The following SULT1C4 variants were observed in gnomAD, a reference collection of about 807,000 sequenced individuals.
SULT1C4 encodes the protein sulfotransferase 1C4.
SULT1C4 carries 32 observed loss-of-function variants against 34.8 expected under a neutral mutation model. The observed-to-expected ratio is 0.92, with a 90% CI of 0.69 to 1.23. The LOEUF (loss-of-function observed/expected upper bound fraction) is 1.23, where lower values mean the gene tolerates loss of function less well. Among genes scored for constraint, SULT1C4 ranks in the 50% most tolerant of loss-of-function variants. SULT1C4 has a pLI of 0.00. For missense variants in SULT1C4, 375 were observed against 365.9 expected (o/e 1.02, Z -0.20); for synonymous variants, 111 against 120.5 (o/e 0.92, Z 0.51).
intron 4 of SULT1C4, 49 bp downstream of exon 4, chr2:108,383,268 A>G: frequency 3.1e-6 from 5 of 1,596,250 alleles, no homozygotes; most frequent in Non-Finnish European, 4.3e-6. Flanking sequence ...ATCTCCAAAC[A>G]CCCTAGAAGG....
At position 108,381,786 on chromosome 2, in the gene SULT1C4, TG is replaced by T; in HGVS notation, c.196del (p.Glu66AsnfsTer2). 6.9e-7 allele frequency: 1 copy of T among 1,439,616 alleles called. No individual in the cohort carries two copies. Among genetic ancestry groups the T allele is most frequent in the Non-Finnish European group, 9.1e-7 (1 of 1,094,020 alleles). 89.2% of individuals were successfully genotyped at this position (1,439,616 alleles called of 1,614,324 possible). Reference protein sequence around the residue: ...KAGTTWTQEIVELIQNEGDVE... With the variant: ...KAGTTWTQEIXELIQNEGDVE... ...GGAACAACATGGACTCAGGAGATAG[TG>T]GAATTAATACAAAATGAAGGTGATG... is the stretch of plus-strand genomic sequence containing the variant. On this transcript the variant is annotated frameshift_variant, in exon 2 of 7. Transcript: ENST00000272452. LOFTEE classifies it high-confidence loss of function.
intron 5 of SULT1C4, among the ~76,000 whole-genome samples, chr2:108,385,965 C>T (rs1016406781): frequency 3.3e-5 from 5 of 152,180 alleles, no homozygotes; most frequent in Non-Finnish European, 5.9e-5. Flanking sequence ...TTCACTAACC[C>T]TACCCAGTTG....
rs1214533248 is a variant in SULT1C4, at chr2:108,378,257, T to G, written c.-81T>G. 18 of 1,333,648 alleles carry G rather than the reference T, an allele frequency of 1.3e-5. No individual in the cohort carries two copies. The highest frequency in any genetic ancestry group is 1.7e-5 in the Non-Finnish European group (16 of 949,562). 82.6% of individuals were successfully genotyped at this position (1,333,648 alleles called of 1,614,324 possible). A position where few individuals can be genotyped will look rare whatever the true frequency, so the allele number is the denominator to read the frequency against. ...TAGTGTGGTAGTGTGGTGGATAGAG[T>G]GCTGCCTCTATCCACAACGCAGCCA... On this transcript the variant is annotated 5_prime_UTR_variant, in exon 1 of 7. Coordinates refer to ENST00000272452, the MANE Select transcript of SULT1C4 (RefSeq NM_006588.4).
rs76499416 is a variant in SULT1C4 at position 108,387,695 on chromosome 2, T to C, written c.*263T>C. 1,345 of 361,004 alleles carry C rather than the reference T, an allele frequency of 3.7e-3. 24 individuals carry two copies. The highest frequency in any genetic ancestry group is 0.026 in the African/African-American group (1,259 of 47,624). 22.4% of individuals were successfully genotyped at this position (361,004 alleles called of 1,614,324 possible). ...TATCATTGCCAATTATCATCATATT[T>C]ACATTTTCTACAATCATGTGCTTAT... On this transcript the variant is annotated 3_prime_UTR_variant, in exon 7 of 7. Transcript: ENST00000272452.
rs905111280 is a variant in SULT1C4, at chr2:108,388,559, C to G, written c.*1127C>G. Among the ~76,000 whole-genome samples, 14 of 152,130 alleles carry G rather than the reference C, an allele frequency of 9.2e-5. No homozygotes were observed. The highest frequency in any genetic ancestry group is 1.9e-4 in the Non-Finnish European group (13 of 68,026). ...TTCAGACAGATGGCAAGGTTATTTT[C>G]CTTAAAAAGACTCTTATTATGTTGT... On this transcript the variant is annotated 3_prime_UTR_variant, in exon 7 of 7. Transcript: ENST00000272452.
chr2:108,387,249 G>C lies in SULT1C4; in HGVS notation c.797-71G>C, dbSNP rs1678591475. On this transcript the variant is annotated intron_variant, in intron 6 of 6. Transcript: ENST00000272452. ...AACATGGCATAGAAATCATCATACAGAAACAGGAGAATAGGGAAGCACAGA... is the reference window on the plus strand; with the variant it reads ...AACATGGCATAGAAATCATCATACACAAACAGGAGAATAGGGAAGCACAGA... The C allele has an allele frequency of 1.4e-5, 17 of 1,181,296 alleles. No homozygotes were observed. In the South Asian group the frequency reaches 2.1e-4, roughly 15 times the overall value. The allele number at this position is 1,181,296 out of a possible 1,614,324, so 73.2% of individuals were successfully genotyped here.
intron 5 of SULT1C4, 90 bp from the exon 6 acceptor site, chr2:108,386,102 A>G (rs1678559569): frequency 9.6e-7 from 1 of 1,037,162 alleles, no homozygotes; most frequent in African/African-American, 1.7e-5. Flanking sequence ...AGCTCGTAAT[A>G]TGTTACCGGT....
In SULT1C4 at chr2:108,388,094, C is replaced by T. The variant is rs1173130885; in HGVS notation, c.*662C>T. ...GAGATTACAGGCGTGAGCCACTGCG[C>T]CCAGCCGGTTCAAGTTAATTTTTAA... On this transcript the variant is annotated 3_prime_UTR_variant, in exon 7 of 7. Transcript: ENST00000272452. 3 of 152,222 alleles carry T rather than the reference C, an allele frequency of 2.0e-5. No individual in the cohort carries two copies. The East Asian group carries it at 5.8e-4, about 29-fold the overall frequency. 9.4% of individuals were successfully genotyped at this position (152,222 alleles called of 1,614,324 possible).
chr2:108,381,349 T>C (rs956680827), intron 1 of SULT1C4, among the ~76,000 whole-genome samples: 1 of 152,080 alleles, frequency 6.6e-6, no homozygotes, highest in Non-Finnish European at 1.5e-5. Context: ...TAAATTCACA[T>C]AGATGGTCCA....
rs1436858353 is a variant in SULT1C4 at position 108,378,215 on chromosome 2, T to C, written c.-123T>C. Reference sequence around the variant, plus strand: ...CCCTGTTTGCTGGCCCAGACAGGCCTGTGCTAGAGGGCTGGATAGTGTGGT... The same window carrying C: ...CCCTGTTTGCTGGCCCAGACAGGCCCGTGCTAGAGGGCTGGATAGTGTGGT... On this transcript the variant is annotated 5_prime_UTR_variant, in exon 1 of 7. Coordinates refer to ENST00000272452, the MANE Select transcript of SULT1C4 (RefSeq NM_006588.4). The C allele has an allele frequency of 3.3e-6, 3 of 916,342 alleles. No individual in the cohort carries two copies. In the Admixed American group the frequency reaches 7.6e-5, roughly 23 times the overall value. The allele number at this position is 916,342 out of a possible 1,614,324, so 56.8% of individuals were successfully genotyped here.
At chr2:108,382,628 G>A in intron 3 of SULT1C4, 146 bp downstream of exon 3, 1 of 685,852 alleles carries the variant, frequency 1.5e-6, no homozygotes, top group Non-Finnish European at 2.5e-6. Flanking sequence ...TCCTAGCCAG[G>A]CACGTTGGCT....
intron 6 of SULT1C4, 63 bp downstream of exon 6, chr2:108,386,435 G>A: frequency 1.6e-6 from 2 of 1,239,128 alleles, no homozygotes; most frequent in Non-Finnish European, 2.1e-6. Context: ...AAGCATTTGA[G>A]GAGTTTTCTT....
At chr2:108,384,611 A>G (rs1678521234) in intron 5 of SULT1C4, among the ~76,000 whole-genome samples, 1 of 152,240 alleles carries the variant, frequency 6.6e-6, no homozygotes, top group African/African-American at 2.4e-5. Flanking sequence ...AGTTCTGTCA[A>G]TTCTTGGTAA....
rs1436221418 is a variant in SULT1C4, at chr2:108,383,201, A to G, written c.502A>G (p.Thr168Ala). The G allele has an allele frequency of 6.2e-7, 1 of 1,606,642 alleles. No individual in the cohort carries two copies. The highest frequency in any genetic ancestry group is 1.7e-5 in the Admixed American group (1 of 57,812). The change falls in exon 4 of 7, where the codon ACT (threonine) becomes GCT (alanine). Residue 168 changes from threonine to alanine, a missense_variant. Coordinates refer to ENST00000272452, the MANE Select transcript of SULT1C4 (RefSeq NM_006588.4). ...AGGAACATGGGAAGAGTATTTTGAGACTTTTCTGGCTGGGAAAGGTGAGAG... is the reference window on the plus strand; with the variant it reads ...AGGAACATGGGAAGAGTATTTTGAGGCTTTTCTGGCTGGGAAAGGTGAGAG... ...APGTWEEYFETFLAGKVCWGS... is the reference protein window; with the variant it reads ...APGTWEEYFEAFLAGKVCWGS...
At chr2:108,383,332 C>G in intron 4 of SULT1C4, 84 bp from the exon 5 acceptor site, 2 of 1,587,422 alleles carry the variant, frequency 1.3e-6, no homozygotes, top group Non-Finnish European at 1.7e-6. Context: ...ATGGAACATT[C>G]TCACTTCTCT....
rs747292078 is a variant in SULT1C4, at chr2:108,383,135, T to G, written c.436T>G (p.Tyr146Asp). The G allele has an allele frequency of 8.7e-6, 14 of 1,613,378 alleles. No individual in the cohort carries two copies. The South Asian group carries it at 1.5e-4, about 18-fold the overall frequency. ...AAATCCCAAGGACAACATGGTGTCC[T>G]ATTACCATTTCCAAAGAATGAATAA... ...ARNPKDNMVS[Y>D]YHFQRMNKAL... The change falls in exon 4 of 7, where the codon TAT becomes GAT. Residue 146 changes from tyrosine (Y) to aspartate (D), a missense_variant. By Grantham distance (160) the Tyr-to-Asp change is radical (BLOSUM62 -3). Transcript: ENST00000272452.
intron 5 of SULT1C4, 82 bp downstream of exon 5, chr2:108,383,592 G>A (rs1678486854): frequency 7.8e-7 from 1 of 1,282,960 alleles, no homozygotes; most frequent in Middle Eastern, 1.9e-4. Context: ...CAGGGACTCA[G>A]ATTGATGCGG....
intron 5 of SULT1C4, 52 bp downstream of exon 5, chr2:108,383,562 T>C: frequency 6.6e-7 from 1 of 1,521,980 alleles, no homozygotes; most frequent in South Asian, 1.2e-5. Flanking sequence ...AACATTTAAG[T>C]CATAATGCAT....
At position 108,381,832 on chromosome 2, in the gene SULT1C4, A is replaced by G. The variant is rs1265629951; in HGVS notation, c.240A>G (p.Ala80=). 13 of 1,509,612 alleles carry G rather than the reference A, an allele frequency of 8.6e-6. No individual in the cohort carries two copies. The highest frequency in any genetic ancestry group is 1.1e-5 in the Non-Finnish European group (13 of 1,134,922). 93.5% of individuals were successfully genotyped at this position (1,509,612 alleles called of 1,614,324 possible). Residue 80 remains alanine, a synonymous_variant, in exon 2 of 7, where the codon GCA becomes GCG. Transcript: ENST00000272452. ...NEGDVEKSKR[A]PTHQRFPFLE... ...GTGATGTGGAGAAAAGTAAACGGGC[A>G]CCGACTCATCAACGATTTCCTTTCC...
Sources: gnomAD v4.1 joint callset for allele counts (sites outside exome capture counted in the v4.1 genomes callset) on GRCh38, gnomAD v4.1.1 for gene constraint, MANE v1.5 for transcripts, NCBI Gene and HGNC (gene_info 2026-07-23, HGNC 2026-07-21) for gene names.